The following PPFIA4 variants were observed in gnomAD, a reference collection of about 807,000 sequenced individuals.
PPFIA4 encodes the protein PPFI scaffold protein A4.
A neutral mutation model predicts 145.7 loss-of-function variants in PPFIA4; 98 were observed. The ratio of observed to expected loss-of-function variants is 0.67; its 90% CI spans 0.57 to 0.80. PPFIA4 has a LOEUF of 0.80. PPFIA4 is among the 30% of genes least tolerant of loss of function. PPFIA4 has a pLI of 0.00. For synonymous variants in PPFIA4, 628 were observed against 649.6 expected (o/e 0.97, Z 0.51); for missense variants, 1,457 against 1,632.7 (o/e 0.89, Z 1.85).
chr1:203,056,455 G>T lies in PPFIA4; in HGVS notation c.2187G>T (p.Thr729=). ...CETSPPSSPR[T]LRLEKLGHPA... ...CTTCTCCTCCTTCCTCACCCAGGAC[G>T]CTGCGGCTAGAGAAGCTTGGCCACC... The change falls in exon 18 of 30, where the codon ACG becomes ACT. Residue 729 remains threonine, a synonymous_variant. Coordinates refer to ENST00000295706, the MANE Select transcript of PPFIA4 (RefSeq NM_001304331.2). 2.5e-6 allele frequency: 4 copies of T among 1,613,940 alleles called. No homozygotes were observed. The highest frequency in any genetic ancestry group is 3.4e-6 in the Non-Finnish European group (4 of 1,179,864).
At chr1:203,044,150 A>G (rs1571680963) in intron 4 of PPFIA4, 55 bp downstream of exon 4, 2 of 1,498,358 alleles carry the variant, frequency 1.3e-6, no homozygotes, top group Non-Finnish European at 1.8e-6. Flanking sequence ...GGAGCCTCCC[A>G]TGTATCCCTT....
At chr1:203,051,986 C>CG in intron 14 of PPFIA4, 109 bp downstream of exon 14, 1 of 1,247,222 alleles carries the variant, frequency 8.0e-7, no homozygotes, top group Non-Finnish European at 1.1e-6. Flanking sequence ...CCCCTTCCCT[C>CG]CCGTGTCAAT....
At chr1:203,057,998 T>G (rs1251132002) in intron 19 of PPFIA4, among the ~76,000 whole-genome samples, 1 of 152,074 alleles carries the variant, frequency 6.6e-6, no homozygotes, top group African/African-American at 2.4e-5. Context: ...GAGATGGGAC[T>G]GGACAGCTAG....
Position 203,035,426 on chromosome 1 carries a change from A to G in PPFIA4, c.-399-3184A>G, listed in dbSNP as rs1424053429. The G allele has an allele frequency of 1.9e-4, 82 of 426,578 alleles. 1 individual carries two copies. Among genetic ancestry groups the G allele is most frequent in the Non-Finnish European group, 5.2e-5 (11 of 209,578 alleles). 26.4% of individuals were successfully genotyped at this position (426,578 alleles called of 1,614,324 possible). ...GGAAAAGGTGGGGGTGACTTTTGGGATGCCAAAGAGGCCCCCAAGTTACCT... is the reference window on the plus strand; with the variant it reads ...GGAAAAGGTGGGGGTGACTTTTGGGGTGCCAAAGAGGCCCCCAAGTTACCT... On this transcript the variant is annotated intron_variant, in intron 1 of 29. Coordinates refer to ENST00000295706, the MANE Select transcript of PPFIA4 (RefSeq NM_001304331.2).
At chr1:203,056,226 C>T (rs1285112037) in intron 17 of PPFIA4, 71 bp downstream of exon 17, 1 of 1,608,064 alleles carries the variant, frequency 6.2e-7, no homozygotes, top group Non-Finnish European at 8.5e-7. Context: ...CAGCTTCCTC[C>T]CCCAGGGCCC....
At chr1:203,035,179 G>A (rs929164350) in intron 1 of PPFIA4, 13 of 408,488 alleles carry the variant, frequency 3.2e-5, no homozygotes, top group African/African-American at 1.7e-4. Context: ...GTTTTCCCTC[G>A]TGGCTGCCAC....
intron 14 of PPFIA4, among the ~76,000 whole-genome samples, chr1:203,053,016 A>G (rs780622460): frequency 1.3e-5 from 2 of 152,240 alleles, no homozygotes; most frequent in South Asian, 2.1e-4. Flanking sequence ...AGGGCTTTAC[A>G]TGTATTTTCC....
At chr1:203,051,224 A>G in intron 13 of PPFIA4, 1 of 985,408 alleles carries the variant, frequency 1.0e-6, no homozygotes, top group South Asian at 4.7e-5. Context: ...AGGGCCTCCT[A>G]AAGCTTCCTA....
chr1:203,052,162 G>T (rs1010288810), intron 14 of PPFIA4, among the ~76,000 whole-genome samples: 27 of 152,038 alleles, frequency 1.8e-4, no homozygotes, highest in Admixed American at 6.5e-5. Context: ...GTGCAGGCGT[G>T]TGTATCTGGT....
At chr1:203,030,411 C>T (rs1658736223) in intron 1 of PPFIA4, among the ~76,000 whole-genome samples, 1 of 152,106 alleles carries the variant, frequency 6.6e-6, no homozygotes, top group South Asian at 2.1e-4. Context: ...ATGAGCTGTT[C>T]CGTGAGGAGT....
At chr1:203,040,816 T>C (rs1213081067) in intron 2 of PPFIA4, among the ~76,000 whole-genome samples, 2 of 152,194 alleles carry the variant, frequency 1.3e-5, no homozygotes. Flanking sequence ...TTAGGTAACT[T>C]ATTCAAGATC....
At chr1:203,046,564 C>T in intron 9 of PPFIA4, 182 bp downstream of exon 9, 3 of 625,504 alleles carry the variant, frequency 4.8e-6, no homozygotes, top group Non-Finnish European at 8.1e-6. Flanking sequence ...TAATCCCTGT[C>T]CTCATCACCC....
rs776326120 is a variant in PPFIA4, at chr1:203,045,570, G to T, written c.858+11G>T. 3.7e-5 allele frequency: 58 copies of T among 1,564,170 alleles called. No homozygotes were observed. The highest frequency in any genetic ancestry group is 4.8e-5 in the Non-Finnish European group (55 of 1,155,400). Reference sequence around the variant, plus strand: ...CGGGACCTCCGGGAGGTGCGTGAGGGCGCAGGCCTGCTCTGTGACCTCATT... The same window carrying T: ...CGGGACCTCCGGGAGGTGCGTGAGGTCGCAGGCCTGCTCTGTGACCTCATT... On this transcript the variant is annotated intron_variant, in intron 7 of 29. Coordinates refer to ENST00000295706, the MANE Select transcript of PPFIA4 (RefSeq NM_001304331.2).
At chr1:203,070,958 T>G (rs949363730) in intron 27 of PPFIA4, among the ~76,000 whole-genome samples, 1 of 151,328 alleles carries the variant, frequency 6.6e-6, no homozygotes, top group African/African-American at 2.4e-5. Context: ...CTTTTTTGTT[T>G]TTTTTTTTTC....
At chr1:203,052,053 C>A (rs2291692) in intron 14 of PPFIA4, among the ~76,000 whole-genome samples, 176 bp downstream of exon 14, 6 of 145,798 alleles carry the variant, frequency 4.1e-5, no homozygotes, top group South Asian at 2.2e-4. Flanking sequence ...GTGCCCCCCC[C>A]CCCGCTTGCC....
rs201816389 is a variant in PPFIA4, at chr1:203,055,439, C to G, written c.1837C>G (p.Gln613Glu). The change falls in exon 16 of 30, where the codon CAG becomes GAG. Residue 613 changes from glutamine (Q) to glutamate (E), a missense_variant. Gln to Glu is a conservative substitution (Grantham distance 29). Coordinates refer to ENST00000295706, the MANE Select transcript of PPFIA4 (RefSeq NM_001304331.2). The surrounding 1 kb of genome is among the most constrained non-coding windows in gnomAD (Gnocchi z 4.8). ...GTTTTGCCTCCCTTCCAGGATGATT[C>G]AGGAAGAGAAGGAGTCCACGGAGCT... ...DAINEEIRMIQEEKESTELRA... is the reference protein window; with the variant it reads ...DAINEEIRMIEEEKESTELRA... 2 of 1,613,884 alleles carry G rather than the reference C, an allele frequency of 1.2e-6. No homozygotes were observed. The highest frequency in any genetic ancestry group is 2.2e-5 in the South Asian group (2 of 91,064).
At chr1:203,065,697 ATTTCT>A (rs1383806289) in intron 25 of PPFIA4, among the ~76,000 whole-genome samples, 1 of 152,212 alleles carries the variant, frequency 6.6e-6, no homozygotes, top group African/African-American at 2.4e-5. Context: ...CGTCTTTAAA[ATTTCT>A]TTTAAATCAT....
chr1:203,039,201 C>T lies in PPFIA4; in HGVS notation c.193C>T (p.Arg65Trp), dbSNP rs1361728095. 4 of 1,605,592 alleles carry T rather than the reference C, an allele frequency of 2.5e-6. No individual in the cohort carries two copies. Among genetic ancestry groups the T allele is most frequent in the East Asian group, 2.2e-5 (1 of 44,566 alleles). The change falls in exon 2 of 30, where the codon CGG becomes TGG. Residue 65 changes from arginine (R) to tryptophan (W), a missense_variant. Physicochemically the swap from Arg to Trp is moderately radical, Grantham distance 101 (BLOSUM62 -3). Transcript: ENST00000295706. ...QSRLQDAIHERDQLQRHLNSA... is the reference protein window; with the variant it reads ...QSRLQDAIHEWDQLQRHLNSA... ...CCGGCTCCAGGATGCCATACACGAG[C>T]GGGACCAGCTCCAGCGCCACCTTAA...
In PPFIA4 at chr1:203,055,572, C is replaced by G. The variant is rs1298953435; in HGVS notation, c.1970C>G (p.Ser657Cys). 9 of 1,614,004 alleles carry G rather than the reference C, an allele frequency of 5.6e-6. No homozygotes were observed. The highest frequency in any genetic ancestry group is 4.5e-5 in the East Asian group (2 of 44,884). The part of the protein sequence containing the change: ...GSIPTSLTAL[S>C]LASASPPLSG... ...ATCCCCACCTCTCTGACGGCCCTGT[C>G]CCTGGCCAGCGCGTCCCCACCACTC... Residue 657 changes from serine (S) to cysteine (C), a missense_variant, in exon 16 of 30, where the codon TCC becomes TGC. Physicochemically the swap from Ser to Cys is moderately radical, Grantham distance 112. Coordinates refer to ENST00000295706, the MANE Select transcript of PPFIA4 (RefSeq NM_001304331.2). This position sits in a 1 kb window ranked among gnomAD's most constrained non-coding sequence, Gnocchi z 4.8.
Sources: gnomAD v4.1 joint callset for allele counts (sites outside exome capture counted in the v4.1 genomes callset) on GRCh38, gnomAD v4.1.1 for gene constraint, Gnocchi (gnomAD v3.1) non-coding constraint, MANE v1.5 for transcripts, NCBI Gene and HGNC (gene_info 2026-07-23, HGNC 2026-07-21) for gene names.